Variants in DRICH1 observed in about 807,000 individuals in gnomAD.
DRICH1 encodes aspartate-rich protein 1.
In DRICH1, 38 loss-of-function variants were observed where a neutral mutation model predicts 39.5. That is an observed-to-expected ratio of 0.96 (90% CI 0.74 to 1.26). DRICH1 has a LOEUF of 1.26. Ranked by LOEUF, DRICH1 falls within the 50% of genes most tolerant of loss-of-function variation. The probability of loss-of-function intolerance (pLI) is 0.00; values close to 1 mark genes in which losing one functional copy is unlikely to be tolerated. For missense variants in DRICH1, 279 were observed against 270.4 expected, an observed-to-expected ratio of 1.03 and a Z score of -0.22; for synonymous variants, 84 against 99.5, an observed-to-expected ratio of 0.84 and a Z score of 0.93.
At chr22:23,624,375 G>A in intron 3 of DRICH1, 1 of 978,094 alleles carries the variant, frequency 1.0e-6, no homozygotes, top group Non-Finnish European at 1.2e-6. Context: ...ATACTCAATA[G>A]CCCATAAACA....
At chr22:23,600,500 G>A in the DRICH1 span, among the ~76,000 whole-genome samples, 2 of 152,152 alleles carry the variant, frequency 1.3e-5, no homozygotes, top group East Asian at 3.9e-4. Flanking sequence ...TTGACTGACT[G>A]TGATCTTGAG....
chr22:23,603,902 CTT>C (rs1926599104), downstream of DRICH1, among the ~76,000 whole-genome samples: 1 of 152,174 alleles, frequency 6.6e-6, no homozygotes, highest in Non-Finnish European at 1.5e-5. Flanking sequence ...TCTGGGGACA[CTT>C]TGCAGACCAC....
chr22:23,597,773 G>C, the DRICH1 span, among the ~76,000 whole-genome samples: 1 of 151,794 alleles, frequency 6.6e-6, no homozygotes, highest in East Asian at 2.0e-4. Flanking sequence ...GGCAGCCAGG[G>C]GGCAGCATCA....
At chr22:23,586,555 G>GTTTT in the DRICH1 span, among the ~76,000 whole-genome samples, 5 of 152,120 alleles carry the variant, frequency 3.3e-5, no homozygotes, top group Non-Finnish European at 7.4e-5. Flanking sequence ...TTGTTTGTTT[G>GTTTT]TTTTTGAGAC....
chr22:23,627,922 G>A (rs556348879), intron 1 of DRICH1, among the ~76,000 whole-genome samples: 1 of 152,228 alleles, frequency 6.6e-6, no homozygotes, highest in East Asian at 1.9e-4. Context: ...AATGCCCATG[G>A]GGCCTAACAT....
the DRICH1 span, among the ~76,000 whole-genome samples, chr22:23,603,304 C>T: frequency 6.6e-6 from 1 of 151,684 alleles, no homozygotes; most frequent in South Asian, 2.1e-4. Flanking sequence ...ACCTCTGGTG[C>T]CCCCAATTCA....
chr22:23,592,879 C>CAAAA, the DRICH1 span, among the ~76,000 whole-genome samples: 6 of 127,320 alleles, frequency 4.7e-5, no homozygotes, highest in East Asian at 8.9e-4. Flanking sequence ...CACACACACA[C>CAAAA]AAAATTAGCT....
chr22:23,632,418 G>A, upstream of DRICH1: 1 of 266,286 alleles, frequency 3.8e-6, no homozygotes, highest in South Asian at 4.4e-5. Flanking sequence ...GACTCACAAT[G>A]TCCAGCCCCA....
chr22:23,597,278 A>G, the DRICH1 span, among the ~76,000 whole-genome samples: 1 of 149,376 alleles, frequency 6.7e-6, no homozygotes. Flanking sequence ...AAGTGTGTGA[A>G]CCCAGAAGTT....
intron 11 of DRICH1, 84 bp downstream of exon 11, chr22:23,613,205 C>T (rs1927143195): frequency 1.0e-6 from 1 of 968,492 alleles, no homozygotes; most frequent in African/African-American, 1.6e-5. Flanking sequence ...CCTCCTTCAG[C>T]CCCTCCTCAC....
intron 4 of DRICH1, among the ~76,000 whole-genome samples, chr22:23,621,706 G>A (rs1285695592): frequency 1.3e-5 from 2 of 152,134 alleles, no homozygotes; most frequent in Non-Finnish European, 2.9e-5. Context: ...CTGCGGTCAG[G>A]AGTTCGAGAC....
intron 3 of DRICH1, 74 bp from the exon 4 acceptor site, chr22:23,622,250 T>C: frequency 7.5e-7 from 1 of 1,328,850 alleles, no homozygotes; most frequent in Non-Finnish European, 1.1e-6. Flanking sequence ...CTTTGCTGGA[T>C]GTGGTGTATG....
Position 23,615,348 on chromosome 22 carries a change from C to T in DRICH1, c.542-1134G>A, listed in dbSNP as rs530306698. On this transcript the variant is annotated intron_variant, in intron 8 of 11. Transcript: ENST00000317749. ...CCGCGATCACGCCATTGCACTCCAGCCTGGGCAAGAACAGTGAAACTCCAT... is the reference window on the plus strand; with the variant it reads ...CCGCGATCACGCCATTGCACTCCAGTCTGGGCAAGAACAGTGAAACTCCAT... Among the ~76,000 whole-genome samples, 50 of 152,260 alleles carry T rather than the reference C, an allele frequency of 3.3e-4. 1 individual carries two copies. In the South Asian group the frequency reaches 9.3e-3, roughly 28 times the overall value.
intron 3 of DRICH1, among the ~76,000 whole-genome samples, chr22:23,622,486 T>A (rs1927807303): frequency 6.6e-6 from 1 of 152,172 alleles, no homozygotes; most frequent in South Asian, 2.1e-4. Flanking sequence ...GTTTTGAAAC[T>A]CTTCAAAACC....
At chr22:23,591,960 G>C in the DRICH1 span, among the ~76,000 whole-genome samples, 1 of 152,236 alleles carries the variant, frequency 6.6e-6, no homozygotes, top group African/African-American at 2.4e-5. Context: ...CAGGCCCTCT[G>C]CTTCCCATGT....
intron 9 of DRICH1, 80 bp from the exon 10 acceptor site, chr22:23,613,740 C>T (rs769278197): frequency 2.1e-5 from 23 of 1,102,678 alleles, no homozygotes; most frequent in South Asian, 7.9e-5. Flanking sequence ...CTCTGGACAA[C>T]GATAAAAAAC....
the DRICH1 span, among the ~76,000 whole-genome samples, chr22:23,593,255 C>A: frequency 7.7e-3 from 1,175 of 152,094 alleles, 15 homozygotes; most frequent in South Asian, 0.045. Context: ...AATACAATAA[C>A]TAAATTGAAA....
At chr22:23,623,851 C>G (rs1291570306) in intron 3 of DRICH1, 5 of 710,446 alleles carry the variant, frequency 7.0e-6, no homozygotes, top group South Asian at 6.2e-5. Flanking sequence ...CATACAGAGT[C>G]AGCTGATCTT....
the DRICH1 span, among the ~76,000 whole-genome samples, chr22:23,582,238 A>G: frequency 6.7e-6 from 1 of 149,702 alleles, no homozygotes; most frequent in Non-Finnish European, 1.5e-5. Context: ...CGGCCTCCCA[A>G]AGTGCTGGGT....
Sources: gnomAD v4.1 joint callset for allele counts (sites outside exome capture counted in the v4.1 genomes callset) on GRCh38, gnomAD v4.1.1 for gene constraint, MANE v1.5 for transcripts, NCBI Gene and HGNC (gene_info 2026-07-23, HGNC 2026-07-21) for gene names.